Variants in ASIC2 observed in about 807,000 individuals in gnomAD.
ASIC2 encodes the protein acid-sensing ion channel 2.
A neutral mutation model predicts 57.3 loss-of-function variants in ASIC2; 25 were observed. The observed-to-expected ratio is 0.44, with a 90% CI of 0.32 to 0.61. The LOEUF (loss-of-function observed/expected upper bound fraction) is 0.61. Among genes scored for constraint, ASIC2 ranks in the 20% least tolerant of loss-of-function variants. The pLI is 0.06. For synonymous variants in ASIC2, 319 were observed against 307.5 expected, an observed-to-expected ratio of 1.04 and a Z score of -0.39; for missense variants, 641 against 738.1, an observed-to-expected ratio of 0.87 and a Z score of 1.52.
At chr17:33,400,983 A>T (rs558371829) in intron 1 of ASIC2, among the ~76,000 whole-genome samples, 3 of 152,230 alleles carry the variant, frequency 2.0e-5, no homozygotes, top group African/African-American at 7.2e-5. Context: ...CTCACACTGC[A>T]CCTCTAAAGC....
chr17:34,022,172 G>A (rs1481266089), intron 1 of ASIC2, among the ~76,000 whole-genome samples: 1 of 152,072 alleles, frequency 6.6e-6, no homozygotes, highest in Non-Finnish European at 1.5e-5. Flanking sequence ...CCACTTCCCT[G>A]GGGCTTTATT....
At chr17:33,424,658 T>G (rs1911155827) in intron 1 of ASIC2, among the ~76,000 whole-genome samples, 1 of 152,232 alleles carries the variant, frequency 6.6e-6, no homozygotes, top group African/African-American at 2.4e-5. Context: ...CAGAGAAAGT[T>G]CTCGGATCAA....
At chr17:33,945,446 C>G (rs185686774) in intron 1 of ASIC2, among the ~76,000 whole-genome samples, 1 of 151,942 alleles carries the variant, frequency 6.6e-6, no homozygotes, top group African/African-American at 2.4e-5. Context: ...AGTTTGGAGC[C>G]AGGAAAATGG....
In ASIC2 at chr17:33,255,680, T is replaced by C. The variant is rs116795111; in HGVS notation, c.708+35728A>G. 2.0e-3 allele frequency among the ~76,000 whole-genome samples: 306 copies of C among 152,216 alleles called. 1 individual carries two copies. Among genetic ancestry groups the C allele is most frequent in the African/African-American group, 7.1e-3 (293 of 41,540 alleles). On this transcript the variant is annotated intron_variant, in intron 1 of 9. Transcript: ENST00000225823. ...TTTATTTCACTTCCCATTGTAAGCA[T>C]GTGCCACTATGGTAAATTCTCAGAA...
chr17:34,056,849 G>A (rs1908782303), intron 1 of ASIC2, among the ~76,000 whole-genome samples: 1 of 152,162 alleles, frequency 6.6e-6, no homozygotes, highest in Non-Finnish European at 1.5e-5. Flanking sequence ...ATCGTTGGCT[G>A]GGATCCTCTC....
chr17:34,105,601 T>G (rs1911018036), intron 1 of ASIC2, among the ~76,000 whole-genome samples: 1 of 151,816 alleles, frequency 6.6e-6, no homozygotes, highest in African/African-American at 2.4e-5. Context: ...CTCTAAGCAC[T>G]GAATTAGCTT....
chr17:33,205,871 C>T (rs1907042068), intron 1 of ASIC2, among the ~76,000 whole-genome samples: 1 of 152,220 alleles, frequency 6.6e-6, no homozygotes. Context: ...TGACAACATT[C>T]ATTCTTCTCT....
At chr17:33,272,358 TTTGC>T (rs1025313047) in intron 1 of ASIC2, among the ~76,000 whole-genome samples, 2 of 152,322 alleles carry the variant, frequency 1.3e-5, no homozygotes, top group Non-Finnish European at 2.9e-5. Flanking sequence ...GTGTTGTTTG[TTTGC>T]TGTAGTCCAA....
At chr17:33,149,579 G>A (rs1904703801) in intron 1 of ASIC2, among the ~76,000 whole-genome samples, 1 of 152,144 alleles carries the variant, frequency 6.6e-6, no homozygotes, top group Non-Finnish European at 1.5e-5. Context: ...TCAGGTGACT[G>A]AAAACTCATG....
At chr17:33,762,092 C>T (rs1019446651) in intron 1 of ASIC2, among the ~76,000 whole-genome samples, 2 of 152,082 alleles carry the variant, frequency 1.3e-5, no homozygotes, top group Non-Finnish European at 2.9e-5. Flanking sequence ...CTTGCAAATG[C>T]CTGTAGCAGG....
Position 33,197,822 on chromosome 17 carries a change from C to A in ASIC2, c.709-85755G>T, listed in dbSNP as rs182639769. 3.7e-4 allele frequency among the ~76,000 whole-genome samples: 57 copies of A among 152,194 alleles called. No homozygotes were observed. The South Asian group carries it at 4.6e-3, about 12-fold the overall frequency. Reference sequence around the variant, plus strand: ...TGCAGAATTCTGAATTCAAACCGGGCTTTGTAGTCATTATAAAGGTCTATT... The same window carrying A: ...TGCAGAATTCTGAATTCAAACCGGGATTTGTAGTCATTATAAAGGTCTATT... On this transcript the variant is annotated intron_variant, in intron 1 of 9. Coordinates refer to ENST00000225823, the MANE Select transcript of ASIC2 (RefSeq NM_183377.2).
Position 33,044,458 on chromosome 17 carries a change from C to T in ASIC2, c.988-16066G>A, listed in dbSNP as rs371873880. ...TAAGATCTTGGCTCACTGCAACCTC[C>T]GCCTCCTGGCTTCAAGCGATTCTCC... On this transcript the variant is annotated intron_variant, in intron 3 of 9. Coordinates refer to ENST00000225823, the MANE Select transcript of ASIC2 (RefSeq NM_183377.2). Among the ~76,000 whole-genome samples, 99 of 152,258 alleles carry T rather than the reference C, an allele frequency of 6.5e-4. 1 individual carries two copies. Among genetic ancestry groups the T allele is most frequent in the Admixed American group, 2.7e-3 (42 of 15,292 alleles).
Position 33,762,451 on chromosome 17 carries a change from A to G in ASIC2, c.555+393527T>C, listed in dbSNP as rs543537614. ...ACTCACTTTTATAGTGAGTTTGCTT[A>G]CCCTGAAGTTTTGGGTTCACTGAAT... On this transcript the variant is annotated intron_variant, in intron 1 of 9. Transcript: ENST00000359872. Among the ~76,000 whole-genome samples, 10 of 152,218 alleles carry G rather than the reference A, an allele frequency of 6.6e-5. 1 individual carries two copies. In the South Asian group the frequency reaches 2.1e-3, roughly 32 times the overall value.
intron 1 of ASIC2, among the ~76,000 whole-genome samples, chr17:33,571,280 T>A (rs1916430318): frequency 6.6e-6 from 1 of 152,204 alleles, no homozygotes; most frequent in African/African-American, 2.4e-5. Flanking sequence ...CTGCACATCA[T>A]CCTGTCGCAT....
At chr17:33,599,055 A>T (rs1278525154) in intron 1 of ASIC2, among the ~76,000 whole-genome samples, 1 of 152,208 alleles carries the variant, frequency 6.6e-6, no homozygotes, top group East Asian at 1.9e-4. Flanking sequence ...CAGGGTGGAC[A>T]AGCCCAGGAC....
At chr17:33,848,902 T>A (rs973267507) in intron 1 of ASIC2, among the ~76,000 whole-genome samples, 1 of 152,182 alleles carries the variant, frequency 6.6e-6, no homozygotes, top group Non-Finnish European at 1.5e-5. Context: ...TTACAACAGA[T>A]AAACATTGTT....
intron 1 of ASIC2, among the ~76,000 whole-genome samples, chr17:33,893,285 C>T (rs905950966): frequency 1.4e-4 from 22 of 152,132 alleles, no homozygotes; most frequent in Non-Finnish European, 1.6e-4. Context: ...CCACATGGTG[C>T]TTGCAGGACC....
At chr17:33,445,005 C>T (rs980786915) in intron 1 of ASIC2, among the ~76,000 whole-genome samples, 1 of 152,240 alleles carries the variant, frequency 6.6e-6, no homozygotes, top group Admixed American at 6.5e-5. Context: ...GTGACAGACA[C>T]TGTTTGACCT....
At chr17:34,020,761 C>A (rs77525193) in intron 1 of ASIC2, among the ~76,000 whole-genome samples, 9,623 of 152,182 alleles carry the variant, frequency 0.063, 720 homozygotes, top group African/African-American at 0.18. Flanking sequence ...CCCAGGACCT[C>A]CAGGAAGGAA....
Sources: gnomAD v4.1 joint callset for allele counts (sites outside exome capture counted in the v4.1 genomes callset) on GRCh38, gnomAD v4.1.1 for gene constraint, MANE v1.5 for transcripts, NCBI Gene and HGNC (gene_info 2026-07-23, HGNC 2026-07-21) for gene names.